Variants in ME1 observed in about 807,000 individuals in gnomAD.
ME1 encodes malic enzyme 1, also known as NADP-dependent malic enzyme.
In ME1, 74 loss-of-function variants were observed where a neutral mutation model predicts 66.4. The observed-to-expected ratio is 1.11, with a 90% CI of 0.92 to 1.35. The LOEUF is 1.35. Ranked by LOEUF, ME1 falls within the 40% of genes most tolerant of loss-of-function variation. ME1 has a pLI of 0.00. For missense variants in ME1, 750 were observed against 694.1 expected, an observed-to-expected ratio of 1.08 and a Z score of -0.90; for synonymous variants, 251 against 235.6, an observed-to-expected ratio of 1.07 and a Z score of -0.60.
intron 5 of ME1, among the ~76,000 whole-genome samples, chr6:83,316,896 C>T (rs1768045337): frequency 6.6e-6 from 1 of 151,038 alleles, no homozygotes; most frequent in Non-Finnish European, 1.5e-5. Flanking sequence ...CTGGAAACTA[C>T]AAAATATTGC....
intron 3 of ME1, among the ~76,000 whole-genome samples, chr6:83,395,465 T>C (rs1181062566): frequency 6.6e-6 from 1 of 151,442 alleles, no homozygotes; most frequent in African/African-American, 2.4e-5. Context: ...TACTTTCTAT[T>C]ATCTTAAATC....
intron 9 of ME1, among the ~76,000 whole-genome samples, chr6:83,237,271 G>GAAAGAAAGAAAGAAAGAA (rs1416946624): frequency 2.7e-5 from 2 of 73,384 alleles, no homozygotes; most frequent in Non-Finnish European, 5.3e-5. Flanking sequence ...AAGAAAGAAA[G>GAAAGAAAGAAAGAAAGAA]AAAGAAAGGA....
chr6:83,286,645 T>C (rs1052011536), intron 6 of ME1, among the ~76,000 whole-genome samples: 1 of 152,144 alleles, frequency 6.6e-6, no homozygotes, highest in Non-Finnish European at 1.5e-5. Context: ...CTCAGCAGTA[T>C]ATAAAAGGCA....
chr6:83,323,278 T>C (rs993425307), intron 5 of ME1, among the ~76,000 whole-genome samples: 2 of 152,078 alleles, frequency 1.3e-5, no homozygotes, highest in Admixed American at 1.3e-4. Flanking sequence ...AGCATAATAA[T>C]GACAGGAGCA....
intron 6 of ME1, among the ~76,000 whole-genome samples, chr6:83,310,048 C>T (rs1023016845): frequency 6.6e-6 from 1 of 152,274 alleles, no homozygotes; most frequent in Non-Finnish European, 1.5e-5. Context: ...ATTTGTGCTA[C>T]TCCACTAGAG....
intron 9 of ME1, 28 bp downstream of exon 9, chr6:83,237,689 A>C (rs761347080): frequency 5.2e-6 from 7 of 1,357,092 alleles, no homozygotes. Flanking sequence ...AGTTATCTTT[A>C]TTCTGGTTAA....
rs35778458 is a variant in ME1, at chr6:83,352,145, GAAA to G, written c.363-9_363-7del. ...GGATAGTAATAAAGAGACCTCTGCA[GAAA>G]AAAAAAAAAAAAAAGGAGTAGTTTA... On this transcript the variant is annotated splice_region_variant and splice_polypyrimidine_tract_variant and intron_variant, in intron 3 of 13. Coordinates refer to ENST00000369705, the MANE Select transcript of ME1 (RefSeq NM_002395.6). 4,336 of 931,526 alleles carry G rather than the reference GAAA, an allele frequency of 4.7e-3. No individual in the cohort carries two copies. The highest frequency in any genetic ancestry group is 6.6e-3 in the South Asian group (214 of 32,470). 57.7% of individuals were successfully genotyped at this position (931,526 alleles called of 1,614,324 possible). A position where few individuals can be genotyped will look rare whatever the true frequency, so the allele number is the denominator to read the frequency against.
At chr6:83,374,301 G>A (rs1338650069) in intron 3 of ME1, among the ~76,000 whole-genome samples, 1 of 152,174 alleles carries the variant, frequency 6.6e-6, no homozygotes, top group Non-Finnish European at 1.5e-5. Context: ...ATTCTGACAG[G>A]TGTGAGGTAG....
chr6:83,340,727 T>G (rs1490279046), intron 5 of ME1, among the ~76,000 whole-genome samples: 1 of 152,086 alleles, frequency 6.6e-6, no homozygotes, highest in African/African-American at 2.4e-5. Flanking sequence ...ATGCTCTTTT[T>G]AAAAACTGAA....
chr6:83,365,151 G>A (rs367685702), intron 3 of ME1, among the ~76,000 whole-genome samples: 11 of 152,096 alleles, frequency 7.2e-5, no homozygotes, highest in Non-Finnish European at 1.2e-4. Context: ...GGAGTGCAGC[G>A]GCACGATGTT....
At chr6:83,296,422 G>A (rs1767599378) in intron 6 of ME1, among the ~76,000 whole-genome samples, 1 of 152,106 alleles carries the variant, frequency 6.6e-6, no homozygotes, top group Admixed American at 6.5e-5. Flanking sequence ...TAAAACACAT[G>A]ATTATCTCAA....
At chr6:83,250,889 G>A (rs1190598320) in intron 7 of ME1, among the ~76,000 whole-genome samples, 1 of 152,184 alleles carries the variant, frequency 6.6e-6, no homozygotes, top group Non-Finnish European at 1.5e-5. Flanking sequence ...GTGCCATTCA[G>A]TGTCTATCCC....
intron 9 of ME1, among the ~76,000 whole-genome samples, chr6:83,235,442 AC>A (rs1173804269): frequency 6.6e-6 from 1 of 150,376 alleles, no homozygotes; most frequent in African/African-American, 2.4e-5. Flanking sequence ...AAATTTTCAT[AC>A]TATGCTGATT....
At chr6:83,381,604 G>T (rs944037757) in intron 3 of ME1, among the ~76,000 whole-genome samples, 52 of 152,186 alleles carry the variant, frequency 3.4e-4, no homozygotes, top group African/African-American at 1.3e-3. Context: ...ATCAGTACAG[G>T]ACTACAAGAC....
intron 5 of ME1, among the ~76,000 whole-genome samples, chr6:83,328,709 A>C (rs1562482516): frequency 6.6e-6 from 1 of 152,192 alleles, no homozygotes; most frequent in Non-Finnish European, 1.5e-5. Flanking sequence ...TATGGTCAGG[A>C]GCAAACACTC....
intron 1 of ME1, 76 bp from the exon 2 acceptor site, chr6:83,407,977 T>C (rs1769980723): frequency 6.8e-7 from 1 of 1,469,000 alleles, no homozygotes; most frequent in Non-Finnish European, 9.0e-7. Flanking sequence ...ATATAAAATC[T>C]GACAAGTATA....
intron 6 of ME1, among the ~76,000 whole-genome samples, chr6:83,272,952 A>G (rs1767111914): frequency 6.6e-6 from 1 of 152,146 alleles, no homozygotes; most frequent in Non-Finnish European, 1.5e-5. Flanking sequence ...AGGCAGGTGG[A>G]TCACCTGAAG....
At chr6:83,228,396 T>C (rs765477344) in intron 10 of ME1, among the ~76,000 whole-genome samples, 3 of 152,154 alleles carry the variant, frequency 2.0e-5, no homozygotes, top group African/African-American at 7.2e-5. Flanking sequence ...GGATATTTAG[T>C]AGAATCATTC....
intron 3 of ME1, among the ~76,000 whole-genome samples, chr6:83,380,136 C>T (rs1378529645): frequency 1.3e-5 from 2 of 151,874 alleles, no homozygotes; most frequent in Non-Finnish European, 2.9e-5. Flanking sequence ...AGTTGCTACC[C>T]TCAAGAAAAA....
Sources: gnomAD v4.1 joint callset for allele counts (sites outside exome capture counted in the v4.1 genomes callset) on GRCh38, gnomAD v4.1.1 for gene constraint, MANE v1.5 for transcripts, NCBI Gene and HGNC (gene_info 2026-07-23, HGNC 2026-07-21) for gene names.